The following HDGFL2 variants were observed in gnomAD, a reference collection of about 807,000 sequenced individuals.
HDGFL2 encodes HDGF like 2, also known as hepatoma-derived growth factor-related protein 2.
HDGFL2 carries 36 observed loss-of-function variants against 77.1 expected under a neutral mutation model. The observed-to-expected ratio is 0.47, with a 90% CI of 0.36 to 0.62. The LOEUF is 0.62. Among genes scored for constraint, HDGFL2 ranks in the 20% least tolerant of loss-of-function variants. The pLI is 0.00. For missense variants in HDGFL2, 976 were observed against 973.4 expected (o/e 1.00, Z -0.04); for synonymous variants, 463 against 413.1 (o/e 1.12, Z -1.46).
chr19:4,476,239 G>C (rs1486232076), intron 3 of HDGFL2, among the ~76,000 whole-genome samples: 1 of 135,590 alleles, frequency 7.4e-6, no homozygotes, highest in Non-Finnish European at 1.5e-5. Flanking sequence ...TGTTGCCCAG[G>C]CTGGAGTGCA....
At chr19:4,483,817 T>G (rs1386730042) in intron 3 of HDGFL2, among the ~76,000 whole-genome samples, 1 of 139,928 alleles carries the variant, frequency 7.1e-6, no homozygotes, top group Non-Finnish European at 1.5e-5. Flanking sequence ...TTTGAGACAG[T>G]CTTGCTCTGT....
chr19:4,488,702 C>A lies in HDGFL2; in HGVS notation c.315C>A (p.Ala105=). 1.3e-6 allele frequency: 2 copies of A among 1,549,656 alleles called. No individual in the cohort carries two copies. The highest frequency in any genetic ancestry group is 3.9e-5 in the Admixed American group (2 of 51,352). The stretch of plus-strand genomic sequence containing the variant: ...CAGTGAGCTCCTCCGACAGCGAGGC[C>A]CCCGAGGCCAACCCCGCCGACGGCA... ...PPPVSSSDSE[A]PEANPADGSD... is the part of the protein sequence containing the mutation. Residue 105 remains alanine, a synonymous_variant, in exon 4 of 16, where the codon GCC becomes GCA. Transcript: ENST00000616600.
chr19:4,488,619 TG>T, intron 3 of HDGFL2, 56 bp from the exon 4 acceptor site: 2 of 1,467,824 alleles, frequency 1.4e-6, no homozygotes, highest in African/African-American at 1.4e-5. Context: ...ATAGTCCTGA[TG>T]GGGAAATCCA....
In HDGFL2 at chr19:4,496,330, C is replaced by T; in HGVS notation, c.1253C>T (p.Ser418Phe). The change falls in exon 10 of 16, where the codon TCC becomes TTC. Residue 418 changes from serine to phenylalanine, a missense_variant. By Grantham distance (155) the Ser-to-Phe change is radical. This residue lies in a region of HDGFL2 where 567 missense variants were observed against 534.7 expected (regional missense o/e 1.06). Coordinates refer to ENST00000616600, the MANE Select transcript of HDGFL2 (RefSeq NM_001001520.3). ...AAGAAATCAGCGAAGAAGCCGCAGT[C>T]CTCAAGCACAGAGCCCGCCAGGAAA... ...EAKKSAKKPQSSSTEPARKPG... is the reference protein window; with the variant it reads ...EAKKSAKKPQFSSTEPARKPG... 1 of 1,614,172 alleles carries T rather than the reference C, an allele frequency of 6.2e-7. No individual in the cohort carries two copies. The highest frequency in any genetic ancestry group is 1.1e-5 in the South Asian group (1 of 91,084).
chr19:4,487,640 T>C (rs972928138), intron 3 of HDGFL2, among the ~76,000 whole-genome samples: 6 of 152,190 alleles, frequency 3.9e-5, no homozygotes, highest in East Asian at 1.9e-4. Context: ...TAAATGGCAA[T>C]GTTCAGGGTC....
chr19:4,481,142 C>G (rs1975204375), intron 3 of HDGFL2, among the ~76,000 whole-genome samples: 1 of 151,254 alleles, frequency 6.6e-6, no homozygotes, highest in Non-Finnish European at 1.5e-5. Flanking sequence ...CTGCCTCAGC[C>G]TCCCGAGTAG....
At chr19:4,476,944 G>C (rs1396119472) in intron 3 of HDGFL2, among the ~76,000 whole-genome samples, 1 of 151,934 alleles carries the variant, frequency 6.6e-6, no homozygotes, top group Non-Finnish European at 1.5e-5. Context: ...TGAATTTGGC[G>C]GGGAGGCCCA....
At chr19:4,501,805 G>C (rs1402731653) in intron 15 of HDGFL2, 106 bp from the exon 16 acceptor site, 1 of 773,108 alleles carries the variant, frequency 1.3e-6, no homozygotes, top group African/African-American at 1.8e-5. Flanking sequence ...CGAGCCTCAG[G>C]TGCCACAACG....
Position 4,496,535 on chromosome 19 carries a change from G to T in HDGFL2, c.1328+130G>T. 4.2e-6 allele frequency: 3 copies of T among 720,394 alleles called. 1 individual carries two copies. In the Admixed American group the frequency reaches 7.0e-5, roughly 17 times the overall value. The allele number at this position is 720,394 out of a possible 1,614,324, so 44.6% of individuals were successfully genotyped here. A position where few individuals can be genotyped will look rare whatever the true frequency, so the allele number is the denominator to read the frequency against. On this transcript the variant is annotated intron_variant, in intron 10 of 15. Transcript: ENST00000616600. Reference sequence around the variant, plus strand: ...GAGCCGGACCCGGTTGAAGTTCCTGGTCCTTGGGTTGTGTGGGCTGCGTAG... The same window carrying T: ...GAGCCGGACCCGGTTGAAGTTCCTGTTCCTTGGGTTGTGTGGGCTGCGTAG...
intron 10 of HDGFL2, 33 bp downstream of exon 10, chr19:4,496,438 G>T (rs1246234478): frequency 1.3e-6 from 2 of 1,554,916 alleles, no homozygotes; most frequent in Non-Finnish European, 1.8e-6. Flanking sequence ...ACACCCTGGG[G>T]GCCCCGCACC....
chr19:4,475,396 C>G, intron 2 of HDGFL2, 45 bp downstream of exon 2: 1 of 1,614,064 alleles, frequency 6.2e-7, no homozygotes, highest in Non-Finnish European at 8.5e-7. Flanking sequence ...CTGGTGCCTC[C>G]CGGGGTGGCC....
Position 4,494,175 on chromosome 19 carries a change from C to T in HDGFL2, c.924C>T (p.Asp308=). The T allele has an allele frequency of 2.0e-6, 3 of 1,492,130 alleles. No homozygotes were observed. The highest frequency in any genetic ancestry group is 1.8e-6 in the Non-Finnish European group (2 of 1,123,596). The allele number at this position is 1,492,130 out of a possible 1,614,324, so 92.4% of individuals were successfully genotyped here. A position where few individuals can be genotyped will look rare whatever the true frequency, so the allele number is the denominator to read the frequency against. Residue 308 remains aspartate (D), a synonymous_variant, in exon 9 of 16, where the codon GAC becomes GAT. Coordinates refer to ENST00000616600, the MANE Select transcript of HDGFL2 (RefSeq NM_001001520.3). ...CCCCCTCCGCCTCCAGTGACAGCGA[C>T]GAGGTGGACCGCATCAGTGAGTGGA... The part of the protein sequence containing the change: ...PSSSSSDSDS[D]EVDRISEWKR...
At chr19:4,474,719 A>G (rs1975027084) in intron 1 of HDGFL2, among the ~76,000 whole-genome samples, 1 of 151,616 alleles carries the variant, frequency 6.6e-6, no homozygotes, top group East Asian at 1.9e-4. Flanking sequence ...CTGCTCTCCT[A>G]GCCCCAAACG....
At chr19:4,500,736 C>T (rs1194405191) in intron 14 of HDGFL2, among the ~76,000 whole-genome samples, 2 of 152,084 alleles carry the variant, frequency 1.3e-5, no homozygotes, top group South Asian at 2.1e-4. Context: ...GCTGGGATTA[C>T]AGGCGTGAGC....
chr19:4,496,967 G>A (rs564724467), intron 10 of HDGFL2: 53 of 382,066 alleles, frequency 1.4e-4, no homozygotes, highest in African/African-American at 8.4e-4. Flanking sequence ...TCCGCCTCCC[G>A]GGTTCAAGCG....
chr19:4,474,728 C>A (rs76608582), intron 1 of HDGFL2, among the ~76,000 whole-genome samples: 4,814 of 152,226 alleles, frequency 0.032, 100 homozygotes, highest in Non-Finnish European at 0.048. Flanking sequence ...TAGCCCCAAA[C>A]GTTTCCAAGC....
chr19:4,497,094 C>G, intron 10 of HDGFL2: 1 of 428,132 alleles, frequency 2.3e-6, no homozygotes, highest in East Asian at 7.1e-5. Flanking sequence ...AGGCTGGTCT[C>G]GATCTCCTGA....
intron 3 of HDGFL2, among the ~76,000 whole-genome samples, chr19:4,475,891 CTTTT>C (rs34722390): frequency 5.8e-5 from 8 of 136,792 alleles, no homozygotes; most frequent in Admixed American, 7.2e-5. Context: ...GTCCAAGTTT[CTTTT>C]TTTTTTTTTT....
At chr19:4,473,911 G>T (rs1196686803) in intron 1 of HDGFL2, among the ~76,000 whole-genome samples, 2 of 151,440 alleles carry the variant, frequency 1.3e-5, no homozygotes, top group Non-Finnish European at 2.9e-5. Context: ...GAGTGGGAGC[G>T]CTTCTGAGGG....
Sources: allele counts gnomAD v4.1 joint callset (sites outside exome capture counted in the v4.1 genomes callset), GRCh38; gene constraint gnomAD v4.1.1; regional missense constraint gnomAD v4.1.1; transcripts MANE v1.5; gene names NCBI Gene and HGNC (gene_info 2026-07-23, HGNC 2026-07-21).